PPP1R12A: variants seen among roughly 807,000 people sequenced by gnomAD.
The protein encoded by PPP1R12A is protein phosphatase 1 regulatory subunit 12A.
PPP1R12A carries 19 observed loss-of-function variants against 139.6 expected under a neutral mutation model. That is an observed-to-expected ratio of 0.14 (90% CI 0.09 to 0.20). PPP1R12A has a LOEUF of 0.20. PPP1R12A is among the 10% of genes least tolerant of loss of function. The probability of loss-of-function intolerance (pLI) is 1.00; values close to 1 mark genes in which losing one functional copy is unlikely to be tolerated. For missense variants in PPP1R12A, 925 were observed against 1,211.5 expected (o/e 0.76, Z 3.51); for synonymous variants, 427 against 420.6 (o/e 1.02, Z -0.19).
At chr12:79,865,685 G>C (rs1299136534) in intron 2 of PPP1R12A, among the ~76,000 whole-genome samples, 2 of 152,122 alleles carry the variant, frequency 1.3e-5, no homozygotes, top group Non-Finnish European at 1.5e-5. Context: ...CAGACAAACA[G>C]AGAGCCAGAT....
rs1869467439 is a variant in PPP1R12A at position 79,773,604 on chromosome 12, C to T, written c.*2325G>A. ...GACAGCTTTATGTAAAATATATAAA[C>T]ATTTGTCCAAATTGGTACACAGATT... On this transcript the variant is annotated 3_prime_UTR_variant, in exon 25 of 25. Coordinates refer to ENST00000450142, the MANE Select transcript of PPP1R12A (RefSeq NM_002480.3). 6.6e-6 allele frequency: 1 copy of T among 152,132 alleles called. No homozygotes were observed. Among genetic ancestry groups the T allele is most frequent in the Non-Finnish European group, 1.5e-5 (1 of 68,008 alleles). The allele number at this position is 152,132 out of a possible 1,614,324, so 9.4% of individuals were successfully genotyped here.
At chr12:79,853,633 C>T (rs1336086269) in intron 2 of PPP1R12A, among the ~76,000 whole-genome samples, 1 of 152,166 alleles carries the variant, frequency 6.6e-6, no homozygotes, top group Admixed American at 6.5e-5. Context: ...AACTCTTAAA[C>T]ATAGGAAATG....
At chr12:79,816,410 TA>T (rs200054931) in intron 9 of PPP1R12A, among the ~76,000 whole-genome samples, 4 of 149,516 alleles carry the variant, frequency 2.7e-5, no homozygotes, top group Admixed American at 6.7e-5. Flanking sequence ...AGGGTTTGGT[TA>T]AAAAAAAAGG....
At chr12:79,876,930 G>A (rs1010471135) in intron 1 of PPP1R12A, among the ~76,000 whole-genome samples, 2 of 152,004 alleles carry the variant, frequency 1.3e-5, no homozygotes, top group Non-Finnish European at 2.9e-5. Flanking sequence ...AGAACCGCTT[G>A]ACCCCGGGAG....
chr12:79,888,713 T>C (rs1267094124), intron 1 of PPP1R12A, among the ~76,000 whole-genome samples: 1 of 152,122 alleles, frequency 6.6e-6, no homozygotes, highest in Non-Finnish European at 1.5e-5. Flanking sequence ...AGTTTACATA[T>C]ACTAATTCAT....
chr12:79,782,674 T>A, intron 22 of PPP1R12A: 1 of 407,636 alleles, frequency 2.5e-6, no homozygotes, highest in Middle Eastern at 3.6e-4. Flanking sequence ...CATCTTAGAT[T>A]TTATTTACAT....
At chr12:79,890,378 A>G (rs2137419506) in intron 1 of PPP1R12A, among the ~76,000 whole-genome samples, 1 of 152,308 alleles carries the variant, frequency 6.6e-6, no homozygotes, top group South Asian at 2.1e-4. Context: ...TAAGCAACTA[A>G]TTGAGTAAGT....
intron 2 of PPP1R12A, among the ~76,000 whole-genome samples, chr12:79,851,518 A>G (rs1034933746): frequency 6.6e-6 from 1 of 152,116 alleles, no homozygotes; most frequent in Non-Finnish European, 1.5e-5. Context: ...CATTCAAACT[A>G]TTTATCCCCC....
At chr12:79,915,916 G>C (rs954656995) in intron 1 of PPP1R12A, among the ~76,000 whole-genome samples, 2 of 151,944 alleles carry the variant, frequency 1.3e-5, no homozygotes, top group Non-Finnish European at 2.9e-5. Flanking sequence ...CATAACAAGA[G>C]CCTTTCCATG....
At chr12:79,918,341 C>T (rs965445643) in intron 1 of PPP1R12A, among the ~76,000 whole-genome samples, 10 of 152,142 alleles carry the variant, frequency 6.6e-5, no homozygotes, top group African/African-American at 2.4e-4. Flanking sequence ...TAGGCCACCC[C>T]TCCTCCATGT....
At chr12:79,879,852 T>G (rs2137371400) in intron 1 of PPP1R12A, among the ~76,000 whole-genome samples, 1 of 152,032 alleles carries the variant, frequency 6.6e-6, no homozygotes, top group African/African-American at 2.4e-5. Flanking sequence ...CCAATGTAAA[T>G]TATACCTCAA....
Position 79,845,437 on chromosome 12 carries a change from A to G in PPP1R12A, c.369-17T>C. On this transcript the variant is annotated splice_polypyrimidine_tract_variant and intron_variant, in intron 2 of 24. Transcript: ENST00000450142. ...ATCAAAAACCTGTAAAACCAAAGGA[A>G]AAATAGTTAAGCAAAAGATATTATC... 1 of 1,537,272 alleles carries G rather than the reference A, an allele frequency of 6.5e-7. No homozygotes were observed. The highest frequency in any genetic ancestry group is 1.4e-5 in the African/African-American group (1 of 72,868).
chr12:79,774,949 A>G lies in PPP1R12A; in HGVS notation c.*980T>C, dbSNP rs574147254. 2.6e-5 allele frequency: 4 copies of G among 152,418 alleles called. No individual in the cohort carries two copies. In the South Asian group the frequency reaches 8.3e-4, roughly 32 times the overall value. 9.4% of individuals were successfully genotyped at this position (152,418 alleles called of 1,614,324 possible). On this transcript the variant is annotated 3_prime_UTR_variant, in exon 25 of 25. Coordinates refer to ENST00000450142, the MANE Select transcript of PPP1R12A (RefSeq NM_002480.3). ...AAAGATAGGGCTCCACATAATGTGT[A>G]ACTTTTAAAGTCTTTATATCACATT... is the stretch of plus-strand genomic sequence containing the variant.
intron 24 of PPP1R12A, chr12:79,777,285 A>G: frequency 1.0e-6 from 1 of 973,948 alleles, no homozygotes; most frequent in South Asian, 4.8e-5. Context: ...ACAAAAGTAC[A>G]GATAAGTCTT....
At chr12:79,810,751 T>C (rs1874424436) in intron 9 of PPP1R12A, among the ~76,000 whole-genome samples, 1 of 152,176 alleles carries the variant, frequency 6.6e-6, no homozygotes, top group African/African-American at 2.4e-5. Flanking sequence ...ACAGAGTAGA[T>C]AATATAGCAT....
chr12:79,867,197 T>C (rs1006289765), intron 2 of PPP1R12A, among the ~76,000 whole-genome samples: 1 of 152,266 alleles, frequency 6.6e-6, no homozygotes, highest in East Asian at 1.9e-4. Context: ...GAAACTACCA[T>C]TCTCAGCAAA....
chr12:79,904,287 T>C (rs1428598671), intron 1 of PPP1R12A, among the ~76,000 whole-genome samples: 8 of 151,936 alleles, frequency 5.3e-5, no homozygotes, highest in Non-Finnish European at 1.0e-4. Context: ...GGCACTTATA[T>C]GTGGTGCTTA....
At chr12:79,898,390 A>C (rs969864438) in intron 1 of PPP1R12A, among the ~76,000 whole-genome samples, 1 of 152,194 alleles carries the variant, frequency 6.6e-6, no homozygotes, top group Admixed American at 6.5e-5. Flanking sequence ...CGGGACGTGG[A>C]GGTTGCAGTG....
At chr12:79,866,856 T>C (rs1381486149) in intron 2 of PPP1R12A, among the ~76,000 whole-genome samples, 1 of 152,190 alleles carries the variant, frequency 6.6e-6, no homozygotes, top group Non-Finnish European at 1.5e-5. Flanking sequence ...CAGGAATGCT[T>C]TTACACTGTT....
Sources: gnomAD v4.1 joint callset for allele counts (sites outside exome capture counted in the v4.1 genomes callset) on GRCh38, gnomAD v4.1.1 for gene constraint, MANE v1.5 for transcripts, NCBI Gene and HGNC (gene_info 2026-07-23, HGNC 2026-07-21) for gene names.